Variants in MAPK10 observed in about 807,000 individuals in gnomAD.
MAPK10 encodes mitogen-activated protein kinase 10.
A neutral mutation model predicts 59.3 loss-of-function variants in MAPK10; 25 were observed. The ratio of observed to expected loss-of-function variants is 0.42; its 90% CI spans 0.31 to 0.59. MAPK10 has a LOEUF of 0.59. Ranked by LOEUF, MAPK10 falls within the 20% of genes least tolerant of loss-of-function variation. The pLI is 0.15. For missense variants in MAPK10, 351 were observed against 568.9 expected, an observed-to-expected ratio of 0.62 and a Z score of 3.90; for synonymous variants, 190 against 200.5, an observed-to-expected ratio of 0.95 and a Z score of 0.44.
chr4:86,320,450 A>C (rs2095866885), intron 2 of MAPK10, among the ~76,000 whole-genome samples: 1 of 152,154 alleles, frequency 6.6e-6, no homozygotes, highest in Admixed American at 6.5e-5. Context: ...CAAATCAAAT[A>C]GAATATCTAC....
In MAPK10 at chr4:86,067,907, G is replaced by A; in HGVS notation, c.851C>T (p.Pro284Leu). Reference sequence around the variant, plus strand: ...GGGTTGCAATTTCTTCATGAATTCTGGACATGGTGTTCCTAGTTGTTCAAT... The same window carrying A: ...GGGTTGCAATTTCTTCATGAATTCTAGACATGGTGTTCCTAGTTGTTCAAT... ...KVIEQLGTPC[P>L]EFMKKLQPTV... The change falls in exon 10 of 14, where the codon CCA (proline) becomes CTA (leucine). Residue 284 changes from proline (P) to leucine (L), a missense_variant. Physicochemically the swap from Pro to Leu is moderately conservative, Grantham distance 98. This residue lies in a region of MAPK10 where 76 missense variants were observed against 197.9 expected (regional missense o/e 0.38). Coordinates refer to ENST00000641462, the MANE Select transcript of MAPK10 (RefSeq NM_138982.4). The A allele has an allele frequency of 6.2e-7, 1 of 1,613,616 alleles. No individual in the cohort carries two copies. Among genetic ancestry groups the A allele is most frequent in the South Asian group, 1.1e-5 (1 of 91,008 alleles).
At chr4:86,493,540 T>C (rs901113088) in intron 1 of MAPK10, among the ~76,000 whole-genome samples, 5 of 152,192 alleles carry the variant, frequency 3.3e-5, no homozygotes, top group Admixed American at 6.5e-5. Flanking sequence ...CACTTTGAAA[T>C]TGGCTTCTGG....
rs188160902 is a variant in MAPK10, at chr4:86,435,223, G to A, written c.-122+17807C>T. 1.8e-4 allele frequency among the ~76,000 whole-genome samples: 27 copies of A among 152,256 alleles called. 1 individual carries two copies. In the East Asian group the frequency reaches 4.6e-3, roughly 26 times the overall value. ...AAAAATGGCAAAGATGAGGCCAGGC[G>A]CAGTGGCTCATACCTGTAATCCCAG... On this transcript the variant is annotated intron_variant, in intron 1 of 13. Transcript: ENST00000361569.
intron 1 of MAPK10, among the ~76,000 whole-genome samples, chr4:86,530,585 G>A (rs1564994430): frequency 6.6e-6 from 1 of 152,148 alleles, no homozygotes; most frequent in Non-Finnish European, 1.5e-5. Context: ...CAAGGCACTG[G>A]CAGATTTGGT....
At chr4:86,274,303 T>A (rs2094512008) in intron 2 of MAPK10, among the ~76,000 whole-genome samples, 1 of 151,982 alleles carries the variant, frequency 6.6e-6, no homozygotes, top group Admixed American at 6.6e-5. Flanking sequence ...ATCATTTGTG[T>A]GAGTTTTTTT....
At chr4:86,264,895 T>C (rs1284127554) in intron 2 of MAPK10, among the ~76,000 whole-genome samples, 11 of 146,344 alleles carry the variant, frequency 7.5e-5, no homozygotes, top group Admixed American at 5.4e-4. Flanking sequence ...GGACTTTTTT[T>C]TTTTTTTTTT....
At chr4:86,098,753 T>G in intron 8 of MAPK10, 158 bp from the exon 9 acceptor site, 2 of 613,352 alleles carry the variant, frequency 3.3e-6, no homozygotes, top group East Asian at 2.8e-5. Context: ...AAACCAGCGC[T>G]ATGCTATTAC....
chr4:86,564,594 A>G (rs1176058454), intron 1 of MAPK10, among the ~76,000 whole-genome samples: 1 of 152,126 alleles, frequency 6.6e-6, no homozygotes, highest in Non-Finnish European at 1.5e-5. Context: ...GACACCACCA[A>G]ATGAATCCAA....
chr4:86,269,984 G>A (rs190083846), intron 2 of MAPK10, among the ~76,000 whole-genome samples: 2 of 152,028 alleles, frequency 1.3e-5, no homozygotes, highest in African/African-American at 4.8e-5. Flanking sequence ...ATTCTGAAAG[G>A]TGTTTTGAAG....
At chr4:86,042,755 A>AT (rs2041822916) in intron 11 of MAPK10, among the ~76,000 whole-genome samples, 2 of 137,948 alleles carry the variant, frequency 1.4e-5, no homozygotes, top group African/African-American at 6.3e-5. Context: ...TTATTTTATC[A>AT]GAAAAAAAAG....
intron 1 of MAPK10, among the ~76,000 whole-genome samples, chr4:86,508,990 G>T (rs1244142648): frequency 2.0e-5 from 3 of 152,080 alleles, no homozygotes. Flanking sequence ...AATTCAATTA[G>T]AAACTGCAAT....
At chr4:86,243,785 G>T (rs866954167) in intron 2 of MAPK10, among the ~76,000 whole-genome samples, 22 of 114,182 alleles carry the variant, frequency 1.9e-4, no homozygotes, top group African/African-American at 7.5e-4. Flanking sequence ...GCTTTAGTTT[G>T]TCGATAGCTA....
At chr4:86,550,374 T>TA (rs753508493) in intron 1 of MAPK10, among the ~76,000 whole-genome samples, 2,800 of 77,260 alleles carry the variant, frequency 0.036, 642 homozygotes, top group African/African-American at 0.042. Flanking sequence ...GAGCTTCAGT[T>TA]AAAAAAAAAA....
intron 11 of MAPK10, among the ~76,000 whole-genome samples, chr4:86,035,263 C>T (rs188419196): frequency 0.01 from 1,527 of 147,228 alleles, 22 homozygotes; most frequent in African/African-American, 0.036. Context: ...CCCAGCTACT[C>T]GGGAGGCTGA....
chr4:86,288,915 T>C (rs937161694), intron 2 of MAPK10, among the ~76,000 whole-genome samples: 1 of 137,382 alleles, frequency 7.3e-6, no homozygotes, highest in Non-Finnish European at 1.5e-5. Context: ...AATATAGCAG[T>C]GAAAAATAAA....
chr4:86,066,752 CAAAAAAAAAAAAAA>C (rs60413311), intron 10 of MAPK10, among the ~76,000 whole-genome samples: 1 of 86,528 alleles, frequency 1.2e-5, no homozygotes, highest in Admixed American at 1.4e-4. Flanking sequence ...GACTCTGTCT[CAAAAAAAAAAAAAA>C]AAAAAAAAAG....
intron 8 of MAPK10, 114 bp downstream of exon 8, chr4:86,100,938 G>T: frequency 1.2e-6 from 1 of 841,930 alleles, no homozygotes; most frequent in Non-Finnish European, 1.8e-6. Context: ...TATGCTATCT[G>T]GCAGCCCTAC....
intron 1 of MAPK10, among the ~76,000 whole-genome samples, chr4:86,478,011 CTATCTCGGCATAAT>C (rs1409557366): frequency 6.6e-6 from 1 of 152,132 alleles, no homozygotes; most frequent in East Asian, 1.9e-4. Context: ...CATCTGTTAC[CTATCTCGGCATAAT>C]TATCATAAAA....
chr4:86,555,343 G>A (rs1221227779), intron 1 of MAPK10, among the ~76,000 whole-genome samples: 1 of 152,188 alleles, frequency 6.6e-6, no homozygotes, highest in Non-Finnish European at 1.5e-5. Context: ...CTACTCTGGA[G>A]GCTGAGGCAG....
Sources: allele counts gnomAD v4.1 joint callset (sites outside exome capture counted in the v4.1 genomes callset), GRCh38; gene constraint gnomAD v4.1.1; regional missense constraint gnomAD v4.1.1; transcripts MANE v1.5; gene names NCBI Gene and HGNC (gene_info 2026-07-23, HGNC 2026-07-21).